Variants in DBF4 observed in about 807,000 individuals in gnomAD.
DBF4 encodes protein DBF4 homolog A.
A neutral mutation model predicts 76.6 loss-of-function variants in DBF4; 25 were observed. The observed-to-expected ratio is 0.33, with a 90% CI of 0.24 to 0.46. DBF4 has a LOEUF of 0.46. DBF4 is among the 20% of genes least tolerant of loss of function. The probability of loss-of-function intolerance (pLI) is 1.00; values close to 1 mark genes in which losing one functional copy is unlikely to be tolerated. For missense variants in DBF4, 638 were observed against 760.8 expected (o/e 0.84, Z 1.90); for synonymous variants, 213 against 258.0 (o/e 0.83, Z 1.67).
At chr7:87,895,418 T>C (rs1255137462) in intron 6 of DBF4, among the ~76,000 whole-genome samples, 2 of 152,238 alleles carry the variant, frequency 1.3e-5, no homozygotes, top group South Asian at 2.1e-4. Context: ...AAGTTTTGAC[T>C]GTATACTGGA....
intron 10 of DBF4, among the ~76,000 whole-genome samples, chr7:87,902,072 A>C (rs770264959): frequency 2.0e-5 from 3 of 152,238 alleles, no homozygotes; most frequent in Non-Finnish European, 4.4e-5. Flanking sequence ...AATAATTTTG[A>C]AAATTAAAAT....
intron 2 of DBF4, among the ~76,000 whole-genome samples, chr7:87,881,727 C>A (rs1309873340): frequency 6.6e-6 from 1 of 152,158 alleles, no homozygotes; most frequent in Non-Finnish European, 1.5e-5. Flanking sequence ...TATTCTTTGT[C>A]TAGTGGAAAC....
At position 87,887,978 on chromosome 7, in the gene DBF4, TA is replaced by T; in HGVS notation, c.521-2del. On this transcript the variant is annotated splice_region_variant and splice_polypyrimidine_tract_variant and intron_variant, in intron 5 of 11. Transcript: ENST00000265728. ...AATCTTAAAACCTTCTTTCTTTTAA[TA>T]AAGACATTAGATACTACATTGAACA... 2.6e-6 allele frequency: 4 copies of T among 1,537,062 alleles called. No homozygotes were observed. Among genetic ancestry groups the T allele is most frequent in the Non-Finnish European group, 3.5e-6 (4 of 1,143,776 alleles).
In DBF4 at chr7:87,908,378, A is replaced by C. The variant is rs1839961314; in HGVS notation, c.*215A>C. On this transcript the variant is annotated 3_prime_UTR_variant, in exon 12 of 12. Coordinates refer to ENST00000265728, the MANE Select transcript of DBF4 (RefSeq NM_006716.4). ...TGTGACTGGTCTTGTTTTACATTAT[A>C]TATATGTTCGTAATTGTTTCCTGAG... is the stretch of plus-strand genomic sequence containing the variant. 2 of 365,524 alleles carry C rather than the reference A, an allele frequency of 5.5e-6. No homozygotes were observed. The highest frequency in any genetic ancestry group is 9.0e-5 in the Admixed American group (2 of 22,164). 22.6% of individuals were successfully genotyped at this position (365,524 alleles called of 1,614,324 possible). A position where few individuals can be genotyped will look rare whatever the true frequency, so the allele number is the denominator to read the frequency against.
At chr7:87,896,634 A>C (rs764154938) in intron 7 of DBF4, 124 bp downstream of exon 7, 122 of 807,280 alleles carry the variant, frequency 1.5e-4, no homozygotes, top group Non-Finnish European at 2.0e-4. Context: ...TTTATAGAAC[A>C]TAGATCCTTG....
chr7:87,898,415 GT>G (rs1052349070), intron 8 of DBF4, among the ~76,000 whole-genome samples: 1 of 152,128 alleles, frequency 6.6e-6, no homozygotes, highest in Non-Finnish European at 1.5e-5. Context: ...TCCCAATGAT[GT>G]TTTTTGCAGA....
chr7:87,896,527 C>A lies in DBF4; in HGVS notation c.634+17C>A. On this transcript the variant is annotated intron_variant, in intron 7 of 11. Coordinates refer to ENST00000265728, the MANE Select transcript of DBF4 (RefSeq NM_006716.4). ...AAACAAGAAGTAAGTATTTTGTGAT[C>A]TTTAAGTGTATTTGGTTTGCATTTG... 2 of 1,607,556 alleles carry A rather than the reference C, an allele frequency of 1.2e-6. No homozygotes were observed. The highest frequency in any genetic ancestry group is 1.7e-6 in the Non-Finnish European group (2 of 1,175,942).
chr7:87,876,784 A>C lies in DBF4; in HGVS notation c.46+6A>C, dbSNP rs191964853. ...CAGTAAAGGACATTTCCAGGGTAAGAAGCCCCTCCTCCGCCTGCAGTCCCT... is the reference window on the plus strand; with the variant it reads ...CAGTAAAGGACATTTCCAGGGTAAGCAGCCCCTCCTCCGCCTGCAGTCCCT... On this transcript the variant is annotated splice_donor_region_variant and intron_variant, in intron 1 of 11. Transcript: ENST00000265728. 7,259 of 1,614,054 alleles carry C rather than the reference A, an allele frequency of 4.5e-3. 24 individuals carry two copies. Among genetic ancestry groups the C allele is most frequent in the Non-Finnish European group, 5.5e-3 (6,476 of 1,179,946 alleles).
Position 87,880,162 on chromosome 7 carries a change from A to C in DBF4, c.219+1937A>C, listed in dbSNP as rs553752508. Among the ~76,000 whole-genome samples, 170 of 152,308 alleles carry C rather than the reference A, an allele frequency of 1.1e-3. 2 individuals carry two copies. Among genetic ancestry groups the C allele is most frequent in the African/African-American group, 4.0e-3 (165 of 41,558 alleles). ...TGTAAAAAGGGAACCCCTTGGGCTA[A>C]AACAGCAGTACAGAGGCTAAAGCAA... On this transcript the variant is annotated intron_variant, in intron 2 of 11. Coordinates refer to ENST00000265728, the MANE Select transcript of DBF4 (RefSeq NM_006716.4).
In DBF4 at chr7:87,909,392, A is replaced by G. The variant is rs989870770; in HGVS notation, c.*1229A>G. On this transcript the variant is annotated 3_prime_UTR_variant, in exon 12 of 12. Coordinates refer to ENST00000265728, the MANE Select transcript of DBF4 (RefSeq NM_006716.4). ...TTACTAATCTTAATTTTTTTGAAAT[A>G]TATGATTCTCAGTACAGGACTAATT... is the stretch of plus-strand genomic sequence containing the variant. 1 of 152,188 alleles carries G rather than the reference A, an allele frequency of 6.6e-6. No individual in the cohort carries two copies. Among genetic ancestry groups the G allele is most frequent in the African/African-American group, 2.4e-5 (1 of 41,448 alleles). 9.4% of individuals were successfully genotyped at this position (152,188 alleles called of 1,614,324 possible).
intron 6 of DBF4, chr7:87,896,101 T>A (rs924633259): frequency 4.7e-6 from 1 of 211,008 alleles, no homozygotes; most frequent in Non-Finnish European, 9.4e-6. Flanking sequence ...TATCCATCTT[T>A]AACATATTGA....
rs1258005913 is a variant in DBF4 at position 87,896,479 on chromosome 7, A to G, written c.603A>G (p.Lys201=). 3.7e-6 allele frequency: 6 copies of G among 1,611,560 alleles called. No individual in the cohort carries two copies. Among genetic ancestry groups the G allele is most frequent in the Middle Eastern group, 1.7e-4 (1 of 5,754 alleles). The change falls in exon 7 of 12, where the codon AAA becomes AAG. Residue 201 remains lysine, a synonymous_variant. Transcript: ENST00000265728. ...KSSTSVRDGG[K]RVGSGAQKTR... ...CACTATATATTTTTTTTTAGGGCAA[A>G]AGAGTTGGTAGTGGTGCACAAAAAA...
Position 87,895,648 on chromosome 7 carries a change from A to G in DBF4, c.598-826A>G, listed in dbSNP as rs1022857172. Among the ~76,000 whole-genome samples, 3 of 152,100 alleles carry G rather than the reference A, an allele frequency of 2.0e-5. No homozygotes were observed. The East Asian group carries it at 5.8e-4, about 29-fold the overall frequency. ...TGTGCAACTTGGAGGTAAGCCCTGC[A>G]CTTGCATGGATTTATATAGGGAATT... On this transcript the variant is annotated intron_variant, in intron 6 of 11. Transcript: ENST00000265728.
At chr7:87,878,576 G>A (rs949441840) in intron 2 of DBF4, 5 of 174,870 alleles carry the variant, frequency 2.9e-5, no homozygotes, top group Admixed American at 6.1e-5. Flanking sequence ...GTCTGGACTA[G>A]TGTAACAGTT....
rs1839312438 is a variant in DBF4 at position 87,885,114 on chromosome 7, C to G, written c.355C>G (p.Pro119Ala). The G allele has an allele frequency of 6.2e-7, 1 of 1,612,700 alleles. No homozygotes were observed. The change falls in exon 3 of 12, where the codon CCT (proline) becomes GCT (alanine). Residue 119 changes from proline (P) to alanine (A), a missense_variant. Transcript: ENST00000265728. Reference sequence around the variant, plus strand: ...TGCATATACTGCAGAAACCACTTCACCTCATCCCAGCCATGATGGAAGTTC... The same window carrying G: ...TGCATATACTGCAGAAACCACTTCAGCTCATCCCAGCCATGATGGAAGTTC... ...ESAYTAETTS[P>A]HPSHDGSSFK...
intron 2 of DBF4, among the ~76,000 whole-genome samples, chr7:87,884,596 A>C (rs1455453597): frequency 6.6e-6 from 1 of 152,246 alleles, no homozygotes; most frequent in African/African-American, 2.4e-5. Flanking sequence ...TAATTAACAT[A>C]TATAAAGTAT....
Position 87,896,520 on chromosome 7 carries a change from T to C in DBF4, c.634+10T>C. ...GCACAAAAAACAAGAAGTAAGTATT[T>C]TGTGATCTTTAAGTGTATTTGGTTT... On this transcript the variant is annotated intron_variant, in intron 7 of 11. Coordinates refer to ENST00000265728, the MANE Select transcript of DBF4 (RefSeq NM_006716.4). The C allele has an allele frequency of 6.2e-7, 1 of 1,610,330 alleles. No individual in the cohort carries two copies. Among genetic ancestry groups the C allele is most frequent in the Middle Eastern group, 1.8e-4 (1 of 5,672 alleles).
Position 87,900,830 on chromosome 7 carries a change from A to G in DBF4, c.876A>G (p.Lys292=), listed in dbSNP as rs1309745492. ...AACTCCAGTTGAAAGAGAAGAAGAA[A>G]AAAGGATATTGTGAATGTTGCTTGC... ...SIQLQLKEKK[K]KGYCECCLQK... is the part of the protein sequence containing the mutation. The change falls in exon 10 of 12, where the codon AAA becomes AAG. Residue 292 remains lysine, a synonymous_variant. Coordinates refer to ENST00000265728, the MANE Select transcript of DBF4 (RefSeq NM_006716.4). 6.2e-7 allele frequency: 1 copy of G among 1,613,494 alleles called. No homozygotes were observed. The highest frequency in any genetic ancestry group is 8.5e-7 in the Non-Finnish European group (1 of 1,179,694).
At chr7:87,877,373 G>GT (rs1196877260) in intron 1 of DBF4, among the ~76,000 whole-genome samples, 1 of 152,146 alleles carries the variant, frequency 6.6e-6, no homozygotes, top group Non-Finnish European at 1.5e-5. Context: ...CAGCACCTAA[G>GT]TTTTTTGTAC....
Sources: gnomAD v4.1 joint callset for allele counts (sites outside exome capture counted in the v4.1 genomes callset) on GRCh38, gnomAD v4.1.1 for gene constraint, MANE v1.5 for transcripts, NCBI Gene and HGNC (gene_info 2026-07-23, HGNC 2026-07-21) for gene names.